UGT1A5: variants seen among roughly 807,000 people sequenced by gnomAD.
UGT1A5 encodes UDP-glucuronosyltransferase 1A5.
UGT1A5 carries 29 observed loss-of-function variants against 40.3 expected under a neutral mutation model. That is an observed-to-expected ratio of 0.72 (90% CI 0.54 to 0.98). UGT1A5 has a LOEUF of 0.98. UGT1A5 is among the 50% of genes least tolerant of loss of function. The pLI is 0.00. For synonymous variants in UGT1A5, 257 were observed against 262.5 expected (o/e 0.98, Z 0.20); for missense variants, 678 against 677.9 (o/e 1.00, Z 0.00).
At chr2:233,766,898 A>T in intron 1 of UGT1A5, 136 bp from the exon 2 acceptor site, 1 of 1,483,786 alleles carries the variant, frequency 6.7e-7, no homozygotes, top group Non-Finnish European at 8.9e-7. Flanking sequence ...ACATATTAAT[A>T]ATTTTTTACT....
chr2:233,722,721 T>C (rs2077032481), intron 1 of UGT1A5, among the ~76,000 whole-genome samples: 1 of 152,212 alleles, frequency 6.6e-6, no homozygotes, highest in African/African-American at 2.4e-5. Flanking sequence ...TATCAGTTTT[T>C]AAATTTCTCC....
intron 1 of UGT1A5, among the ~76,000 whole-genome samples, chr2:233,756,700 T>C (rs1696300397): frequency 6.6e-6 from 1 of 152,160 alleles, no homozygotes; most frequent in Non-Finnish European, 1.5e-5. Flanking sequence ...CGATGAATTT[T>C]GGGGGGACTT....
rs1433433254 is a variant in UGT1A5 at position 233,729,616 on chromosome 2, T to A, written c.867+15758T>A. On this transcript the variant is annotated intron_variant, in intron 1 of 4. Coordinates refer to ENST00000373414, the MANE Select transcript of UGT1A5 (RefSeq NM_019078.2). ...CCTCTGCGCGGCAGTGCTGGCTAAG[T>A]ACCTGTCGATTCCTACTGTGTTTTT... 3 of 1,614,044 alleles carry A rather than the reference T, an allele frequency of 1.9e-6. No homozygotes were observed. The Admixed American group carries it at 5.0e-5, about 27-fold the overall frequency.
At chr2:233,742,815 T>C (rs1692108353) in intron 1 of UGT1A5, 1 of 153,808 alleles carries the variant, frequency 6.5e-6, no homozygotes. Flanking sequence ...ATTGATATTA[T>C]TTGTAGATTT....
intron 1 of UGT1A5, among the ~76,000 whole-genome samples, chr2:233,727,013 TTG>T (rs1300026123): frequency 1.2e-4 from 18 of 152,218 alleles, no homozygotes; most frequent in African/African-American, 3.9e-4. Context: ...TTATCATTTG[TTG>T]TTTTTGTACC....
chr2:233,737,321 C>G (rs2078863699), intron 1 of UGT1A5, among the ~76,000 whole-genome samples: 1 of 152,264 alleles, frequency 6.6e-6, no homozygotes, highest in African/African-American at 2.4e-5. Flanking sequence ...GACTGCTGCA[C>G]TAGCAGTGAG....
intron 1 of UGT1A5, chr2:233,748,139 A>G: frequency 1.2e-6 from 2 of 1,608,528 alleles, no homozygotes. Context: ...TAAAAATTGT[A>G]TTTACTTACA....
At chr2:233,750,510 T>C (rs565350753) in intron 1 of UGT1A5, 3 of 152,104 alleles carry the variant, frequency 2.0e-5, no homozygotes, top group South Asian at 4.1e-4. Flanking sequence ...AAATGTTAAT[T>C]GCCAAGACAA....
intron 1 of UGT1A5, among the ~76,000 whole-genome samples, chr2:233,714,278 A>C (rs2076377797): frequency 6.6e-6 from 1 of 152,138 alleles, no homozygotes. Flanking sequence ...TGACGTGACA[A>C]TTTTTAGTGG....
intron 1 of UGT1A5, chr2:233,719,143 A>T: frequency 6.2e-7 from 1 of 1,614,250 alleles, no homozygotes; most frequent in Non-Finnish European, 8.5e-7. Flanking sequence ...CATCTTCTGA[A>T]GAGATATTCT....
chr2:233,732,649 T>A (rs1277173996), intron 1 of UGT1A5, among the ~76,000 whole-genome samples: 1 of 152,232 alleles, frequency 6.6e-6, no homozygotes, highest in Admixed American at 6.5e-5. Context: ...ACCACTGTTC[T>A]GCTCCATTGG....
At chr2:233,717,710 C>G in intron 1 of UGT1A5, 1 of 452,848 alleles carries the variant, frequency 2.2e-6, no homozygotes, top group Non-Finnish European at 4.5e-6. Context: ...CAGGACGAGC[C>G]TCATGGGCAT....
rs45547931 is a variant in UGT1A5 at position 233,729,802 on chromosome 2, G to A, written c.867+15944G>A. ...TCTGGCCCTGTCCTACATTTGCCAT[G>A]CTTTTTCTGCTCCTTATGCAAGCCT... On this transcript the variant is annotated intron_variant, in intron 1 of 4. Transcript: ENST00000373414. 1.3e-5 allele frequency: 21 copies of A among 1,613,942 alleles called. No homozygotes were observed. The East Asian group carries it at 3.8e-4, about 29-fold the overall frequency.
At chr2:233,742,793 T>C (rs1266813463) in intron 1 of UGT1A5, 1 of 152,996 alleles carries the variant, frequency 6.5e-6, no homozygotes, top group Non-Finnish European at 1.5e-5. Context: ...ATCATTAAAT[T>C]AAGCCAGAAG....
At chr2:233,741,063 A>T (rs1349514104) in intron 1 of UGT1A5, among the ~76,000 whole-genome samples, 1 of 151,878 alleles carries the variant, frequency 6.6e-6, no homozygotes, top group Non-Finnish European at 1.5e-5. Flanking sequence ...ACAGCTACAG[A>T]GCGAGACCCT....
rs555999540 is a variant in UGT1A5 at position 233,720,422 on chromosome 2, G to T, written c.867+6564G>T. 1.8e-4 allele frequency among the ~76,000 whole-genome samples: 28 copies of T among 152,172 alleles called. 1 individual carries two copies. The Middle Eastern group carries it at 0.027, about 148-fold the overall frequency. On this transcript the variant is annotated intron_variant, in intron 1 of 4. Coordinates refer to ENST00000373414, the MANE Select transcript of UGT1A5 (RefSeq NM_019078.2). ...AGTGGGTGGAAGGGACTAGGGAGGA[G>T]ATAAGACCGTGAATCTATAAGCCCA...
At chr2:233,767,790 T>C in intron 2 of UGT1A5, 59 bp from the exon 3 acceptor site, 1 of 1,614,008 alleles carries the variant, frequency 6.2e-7, no homozygotes, top group Non-Finnish European at 8.5e-7. Flanking sequence ...GTATAGCAGA[T>C]TTGTTTTCTA....
In UGT1A5 at chr2:233,713,501, G is replaced by T. The variant is rs771192795; in HGVS notation, c.510G>T (p.Val170=). The part of the protein sequence containing the change: ...VLAKYLSIPA[V]FFLRNIPCDL... ...CTAAGTACCTGTCGATTCCTGCTGT[G>T]TTTTTCTTGAGGAACATTCCATGTG... The change falls in exon 1 of 5, where the codon GTG becomes GTT. Residue 170 remains valine, a synonymous_variant. Transcript: ENST00000373414. The T allele has an allele frequency of 1.2e-6, 2 of 1,613,952 alleles. No homozygotes were observed. Among genetic ancestry groups the T allele is most frequent in the African/African-American group, 2.7e-5 (2 of 75,018 alleles).
intron 1 of UGT1A5, among the ~76,000 whole-genome samples, chr2:233,742,165 C>A (rs1314313900): frequency 2.0e-5 from 3 of 151,916 alleles, no homozygotes; most frequent in Non-Finnish European, 2.9e-5. Context: ...AAGACACACA[C>A]ACAGAAATAT....
Sources: gnomAD v4.1 joint callset for allele counts (sites outside exome capture counted in the v4.1 genomes callset) on GRCh38, gnomAD v4.1.1 for gene constraint, MANE v1.5 for transcripts, NCBI Gene and HGNC (gene_info 2026-07-23, HGNC 2026-07-21) for gene names.